Variants in SPAG6 observed in about 807,000 individuals in gnomAD.
SPAG6 encodes sperm-associated antigen 6.
SPAG6 carries 49 observed loss-of-function variants against 58.5 expected under a neutral mutation model. The ratio of observed to expected loss-of-function variants is 0.84; its 90% CI spans 0.67 to 1.06. SPAG6 has a LOEUF of 1.06. Ranked by LOEUF, SPAG6 falls within the 50% of genes least tolerant of loss-of-function variation. The probability of loss-of-function intolerance (pLI) is 0.00; values close to 1 mark genes in which losing one functional copy is unlikely to be tolerated. For synonymous variants in SPAG6, 233 were observed against 225.6 expected (o/e 1.03, Z -0.29); for missense variants, 560 against 611.3 (o/e 0.92, Z 0.89).
intron 2 of SPAG6, among the ~76,000 whole-genome samples, chr10:22,355,542 G>T (rs1836842005): frequency 6.6e-6 from 1 of 152,120 alleles, no homozygotes; most frequent in African/African-American, 2.4e-5. Flanking sequence ...GCTCATAATA[G>T]TTTCTTGAAT....
At chr10:22,409,515 C>G (rs999982534) in intron 9 of SPAG6, among the ~76,000 whole-genome samples, 3 of 152,060 alleles carry the variant, frequency 2.0e-5, no homozygotes, top group Admixed American at 1.3e-4. Context: ...CTGAGGAGAG[C>G]AGACAAAACA....
rs376475284 is a variant in SPAG6, at chr10:22,389,181, G to A, written c.874G>A (p.Ala292Thr). The change falls in exon 7 of 11, where the codon GCA (alanine) becomes ACA (threonine). Residue 292 changes from alanine (A) to threonine (T), a missense_variant. Physicochemically the swap from Ala to Thr is moderately conservative, Grantham distance 58. Transcript: ENST00000376624. ...TTAGCTTTCACAGCTGGTAGTTAAC[G>A]CAGGAGGGGTTGCTGCCGTGATTGA... ...TPELSQLVVN[A>T]GGVAAVIDCI... 1.8e-5 allele frequency: 29 copies of A among 1,613,242 alleles called. No individual in the cohort carries two copies. The highest frequency in any genetic ancestry group is 4.0e-5 in the African/African-American group (3 of 74,842).
At chr10:22,395,378 T>G (rs1483822224) in intron 8 of SPAG6, among the ~76,000 whole-genome samples, 1 of 152,188 alleles carries the variant, frequency 6.6e-6, no homozygotes, top group Non-Finnish European at 1.5e-5. Context: ...TTCCACATCT[T>G]TGTCAACTCT....
intron 9 of SPAG6, among the ~76,000 whole-genome samples, chr10:22,409,406 A>C (rs1310179738): frequency 6.6e-6 from 1 of 152,196 alleles, no homozygotes; most frequent in South Asian, 2.1e-4. Context: ...TTGTGGTTTT[A>C]ATTATTTGTT....
At position 22,386,886 on chromosome 10, in the gene SPAG6, C is replaced by T; in HGVS notation, c.605C>T (p.Ala202Val). Residue 202 changes from alanine to valine, a missense_variant, in exon 5 of 11, where the codon GCA becomes GTA. Coordinates refer to ENST00000376624, the MANE Select transcript of SPAG6 (RefSeq NM_012443.4). Reference sequence around the variant, plus strand: ...ATTGCAAAGCATTCTCCAGAGTTAGCACAGACAGTAGTGGATGCAGGAGCT... The same window carrying T: ...ATTGCAAAGCATTCTCCAGAGTTAGTACAGACAGTAGTGGATGCAGGAGCT... ...SDIAKHSPELAQTVVDAGAVA... is the reference protein window; with the variant it reads ...SDIAKHSPELVQTVVDAGAVA... 6.2e-7 allele frequency: 1 copy of T among 1,613,832 alleles called. No individual in the cohort carries two copies. The highest frequency in any genetic ancestry group is 8.5e-7 in the Non-Finnish European group (1 of 1,179,792).
chr10:22,385,802 C>T (rs1834051151), intron 4 of SPAG6, among the ~76,000 whole-genome samples: 1 of 152,064 alleles, frequency 6.6e-6, no homozygotes. Flanking sequence ...ACAGTTAAGA[C>T]ATTTATATAT....
intron 6 of SPAG6, among the ~76,000 whole-genome samples, chr10:22,388,929 C>G (rs1266328789): frequency 1.3e-5 from 2 of 152,090 alleles, no homozygotes; most frequent in African/African-American, 4.8e-5. Context: ...AAAGTTGTGC[C>G]ATCGATGCAT....
intron 4 of SPAG6, among the ~76,000 whole-genome samples, chr10:22,384,238 A>T (rs960974458): frequency 1.2e-4 from 18 of 152,200 alleles, no homozygotes; most frequent in African/African-American, 4.1e-4. Flanking sequence ...AACAAAGAAG[A>T]GGTGGTATTT....
intron 9 of SPAG6, among the ~76,000 whole-genome samples, chr10:22,403,242 T>A (rs1209763639): frequency 6.6e-6 from 1 of 152,172 alleles, no homozygotes; most frequent in Non-Finnish European, 1.5e-5. Context: ...CACTAACTCG[T>A]CATCTAGCAT....
At chr10:22,364,748 A>G (rs1219949449) in intron 2 of SPAG6, 105 bp from the exon 3 acceptor site, 1 of 739,528 alleles carries the variant, frequency 1.4e-6, no homozygotes, top group Non-Finnish European at 2.1e-6. Flanking sequence ...TTTTATTTTT[A>G]CTGATTTTTT....
rs183726667 is a variant in SPAG6 at position 22,412,223 on chromosome 10, C to T, written c.1460+1047C>T. Among the ~76,000 whole-genome samples, 27 of 152,178 alleles carry T rather than the reference C, an allele frequency of 1.8e-4. No individual in the cohort carries two copies. In the East Asian group the frequency reaches 4.3e-3, roughly 24 times the overall value. ...GGCATATTTATCTGTATTTTCTAAT[C>T]CTACATTTATTTCTTATTTTCTTTG... is the stretch of plus-strand genomic sequence containing the variant. On this transcript the variant is annotated intron_variant, in intron 10 of 10. Transcript: ENST00000376624.
At chr10:22,415,591 T>A (rs984169566) in intron 10 of SPAG6, among the ~76,000 whole-genome samples, 5 of 152,188 alleles carry the variant, frequency 3.3e-5, no homozygotes, top group Non-Finnish European at 7.4e-5. Flanking sequence ...GTAAGCACAC[T>A]ACTCACTACT....
chr10:22,373,073 C>G (rs1833736848), intron 4 of SPAG6, among the ~76,000 whole-genome samples: 1 of 152,176 alleles, frequency 6.6e-6, no homozygotes, highest in Admixed American at 6.5e-5. Flanking sequence ...CCAGATACCT[C>G]TGTTTCTAAT....
At chr10:22,389,532 A>G (rs1216703168) in intron 7 of SPAG6, among the ~76,000 whole-genome samples, 5 of 152,212 alleles carry the variant, frequency 3.3e-5, no homozygotes, top group Non-Finnish European at 7.4e-5. Flanking sequence ...GATATCAACT[A>G]TTTTGAGCAT....
intron 2 of SPAG6, among the ~76,000 whole-genome samples, chr10:22,353,985 A>G (rs1836799677): frequency 6.6e-6 from 1 of 152,344 alleles, no homozygotes; most frequent in South Asian, 2.1e-4. Context: ...ACTGGAGCTC[A>G]GGGTAATAGG....
At chr10:22,414,751 ACT>A (rs1834828504) in intron 10 of SPAG6, among the ~76,000 whole-genome samples, 1 of 152,132 alleles carries the variant, frequency 6.6e-6, no homozygotes, top group Non-Finnish European at 1.5e-5. Context: ...ATACAGACAT[ACT>A]AGCCATTTTC....
At chr10:22,365,689 A>G (rs977422040) in intron 3 of SPAG6, among the ~76,000 whole-genome samples, 4 of 152,200 alleles carry the variant, frequency 2.6e-5, no homozygotes, top group African/African-American at 4.8e-5. Context: ...CTTTCTTGAC[A>G]TATCTTTGGG....
chr10:22,413,339 C>T (rs906532289), intron 10 of SPAG6, among the ~76,000 whole-genome samples: 5 of 151,948 alleles, frequency 3.3e-5, no homozygotes, highest in Non-Finnish European at 5.9e-5. Flanking sequence ...CGAGACCGTC[C>T]TGGCTAACAC....
intron 2 of SPAG6, among the ~76,000 whole-genome samples, chr10:22,350,861 A>T (rs1836707925): frequency 6.6e-6 from 1 of 152,222 alleles, no homozygotes; most frequent in African/African-American, 2.4e-5. Flanking sequence ...TGAAGGAAGG[A>T]GTAACTGAAT....
Sources: allele counts gnomAD v4.1 joint callset (sites outside exome capture counted in the v4.1 genomes callset), GRCh38; gene constraint gnomAD v4.1.1; transcripts MANE v1.5; gene names NCBI Gene and HGNC (gene_info 2026-07-23, HGNC 2026-07-21).